LRRC72: variants seen among roughly 807,000 people sequenced by gnomAD.
LRRC72 encodes the protein leucine rich repeat containing 72.
Under a neutral mutation model 35.8 loss-of-function variants are expected in LRRC72, and 41 were observed. That is an observed-to-expected ratio of 1.15 (90% CI 0.89 to 1.49). The LOEUF (loss-of-function observed/expected upper bound fraction) is 1.49, where lower values mean the gene tolerates loss of function less well. Among genes scored for constraint, LRRC72 ranks in the 40% most tolerant of loss-of-function variants. The pLI is 0.00. For missense variants in LRRC72, 389 were observed against 330.7 expected, an observed-to-expected ratio of 1.18 and a Z score of -1.37; for synonymous variants, 118 against 119.2, an observed-to-expected ratio of 0.99 and a Z score of 0.07.
intron 4 of LRRC72, among the ~76,000 whole-genome samples, chr7:16,558,539 G>A (rs947768116): frequency 6.6e-6 from 1 of 152,112 alleles, no homozygotes; most frequent in Non-Finnish European, 1.5e-5. Flanking sequence ...GAACCCAGGA[G>A]GCGGAGGTTA....
chr7:16,559,456 G>A lies in LRRC72; in HGVS notation c.427+457G>A, dbSNP rs535734606. On this transcript the variant is annotated intron_variant, in intron 5 of 8. Coordinates refer to ENST00000401542, the MANE Select transcript of LRRC72 (RefSeq NM_001195280.2). ...TAGATCTTATTGTCTTTTAAGATACGCTTTTGAAAAAACAACAGATAGAAA... is the reference window on the plus strand; with the variant it reads ...TAGATCTTATTGTCTTTTAAGATACACTTTTGAAAAAACAACAGATAGAAA... Among the ~76,000 whole-genome samples the A allele has an allele frequency of 8.7e-4, 132 of 152,074 alleles. 1 individual carries two copies. In the South Asian group the frequency reaches 0.026, roughly 30 times the overall value.
intron 7 of LRRC72, among the ~76,000 whole-genome samples, chr7:16,578,729 T>C (rs576945117): frequency 6.6e-6 from 1 of 152,336 alleles, no homozygotes; most frequent in South Asian, 2.1e-4. Flanking sequence ...ATTTTCTTTA[T>C]TGTTTATATT....
intron 3 of LRRC72, among the ~76,000 whole-genome samples, chr7:16,538,626 G>A (rs1223914951): frequency 6.6e-6 from 1 of 152,166 alleles, no homozygotes; most frequent in Non-Finnish European, 1.5e-5. Context: ...ACCAGATATG[G>A]TTTGGCTCTG....
intron 2 of LRRC72, among the ~76,000 whole-genome samples, chr7:16,536,483 A>G (rs1562737805): frequency 6.6e-6 from 1 of 152,122 alleles, no homozygotes; most frequent in Non-Finnish European, 1.5e-5. Context: ...CTGCAACTTT[A>G]TTTTCAAATG....
At chr7:16,573,993 A>T (rs973708476) in intron 7 of LRRC72, among the ~76,000 whole-genome samples, 4 of 152,250 alleles carry the variant, frequency 2.6e-5, no homozygotes, top group African/African-American at 9.6e-5. Context: ...AGTGAAGCAT[A>T]TGAACAGGCA....
intron 3 of LRRC72, among the ~76,000 whole-genome samples, chr7:16,544,016 A>G (rs1562740919): frequency 6.6e-6 from 1 of 152,216 alleles, no homozygotes. Flanking sequence ...CTGTACTTGC[A>G]TTAGGCTGCT....
chr7:16,565,396 C>T lies in LRRC72; in HGVS notation c.428-917C>T, dbSNP rs543571988. ...TGCAGTGAGCAAGATCATGCCATTGCGCTCCAGCCTGGCAACAAGAACAAG... is the reference window on the plus strand; with the variant it reads ...TGCAGTGAGCAAGATCATGCCATTGTGCTCCAGCCTGGCAACAAGAACAAG... On this transcript the variant is annotated intron_variant, in intron 5 of 8. Coordinates refer to ENST00000401542, the MANE Select transcript of LRRC72 (RefSeq NM_001195280.2). 6.0e-5 allele frequency among the ~76,000 whole-genome samples: 9 copies of T among 149,574 alleles called. No individual in the cohort carries two copies. The South Asian group carries it at 8.4e-4, about 14-fold the overall frequency.
At chr7:16,576,837 G>A (rs927068548) in intron 7 of LRRC72, among the ~76,000 whole-genome samples, 1 of 152,212 alleles carries the variant, frequency 6.6e-6, no homozygotes, top group Non-Finnish European at 1.5e-5. Context: ...GGGGTATAGT[G>A]TCACAGAGCC....
At chr7:16,562,657 C>G (rs1320858055) in intron 5 of LRRC72, among the ~76,000 whole-genome samples, 3 of 152,132 alleles carry the variant, frequency 2.0e-5, no homozygotes, top group Non-Finnish European at 4.4e-5. Context: ...ATCCACTGCC[C>G]ATGGCAAAAA....
chr7:16,568,938 G>A (rs1178584710), intron 7 of LRRC72, among the ~76,000 whole-genome samples: 1 of 152,132 alleles, frequency 6.6e-6, no homozygotes, highest in African/African-American at 2.4e-5. Context: ...TCAAGAATGA[G>A]CGAAAGGTAA....
intron 5 of LRRC72, among the ~76,000 whole-genome samples, chr7:16,564,916 G>A (rs1164269603): frequency 2.0e-5 from 3 of 151,634 alleles, no homozygotes; most frequent in Admixed American, 6.6e-5. Flanking sequence ...AGTTTTTTCC[G>A]AGTTTCTAAT....
At position 16,526,832 on chromosome 7, in the gene LRRC72, G is replaced by T; in HGVS notation, c.-121G>T. The T allele has an allele frequency of 1.3e-6, 1 of 779,384 alleles. No homozygotes were observed. The highest frequency in any genetic ancestry group is 1.7e-5 in the African/African-American group (1 of 58,652). The allele number at this position is 779,384 out of a possible 1,614,324, so 48.3% of individuals were successfully genotyped here. ...CAGTGTGGACTGGCTTTTAGTCAAC[G>T]GGAATGCGGTAACTGTTGGTAACAG... On this transcript the variant is annotated 5_prime_UTR_variant, in exon 1 of 9. Transcript: ENST00000401542.
chr7:16,546,494 C>T (rs916342367), intron 3 of LRRC72, among the ~76,000 whole-genome samples: 1 of 151,982 alleles, frequency 6.6e-6, no homozygotes, highest in African/African-American at 2.4e-5. Context: ...GGCAAAATTC[C>T]CCCCACCTCC....
At chr7:16,550,093 C>T (rs1273847572) in intron 3 of LRRC72, among the ~76,000 whole-genome samples, 1 of 151,964 alleles carries the variant, frequency 6.6e-6, no homozygotes, top group Admixed American at 6.6e-5. Context: ...GTGGTGTGTG[C>T]CTGTAGTCCC....
At position 16,575,801 on chromosome 7, in the gene LRRC72, C is replaced by A. The variant is rs115304321; in HGVS notation, c.671-4273C>A. 9.4e-3 allele frequency among the ~76,000 whole-genome samples: 1,437 copies of A among 152,204 alleles called. 25 individuals carry two copies. Among genetic ancestry groups the A allele is most frequent in the African/African-American group, 0.033 (1,375 of 41,528 alleles). ...GGAAAGGAGTCTTTAGATAGAAAATCTCCCCTCTTAAAAACAGCGAATGCA... is the reference window on the plus strand; with the variant it reads ...GGAAAGGAGTCTTTAGATAGAAAATATCCCCTCTTAAAAACAGCGAATGCA... On this transcript the variant is annotated intron_variant, in intron 7 of 8. Coordinates refer to ENST00000401542, the MANE Select transcript of LRRC72 (RefSeq NM_001195280.2).
chr7:16,535,267 A>C (rs1481230410), intron 2 of LRRC72, among the ~76,000 whole-genome samples: 2 of 152,222 alleles, frequency 1.3e-5, no homozygotes, highest in African/African-American at 4.8e-5. Flanking sequence ...CTAATGGTAC[A>C]TATCAAAGAG....
chr7:16,580,014 GT>G, intron 7 of LRRC72, 59 bp from the exon 8 acceptor site: 2 of 373,150 alleles, frequency 5.4e-6, no homozygotes, highest in Non-Finnish European at 1.0e-5. Flanking sequence ...TTGTTCCACT[GT>G]TTTTAAATGC....
In LRRC72 at chr7:16,566,296, G is replaced by A. The variant is rs1028662368; in HGVS notation, c.428-17G>A. ...TTTTGAAATCTGACATTTTTATTTT[G>A]GATTCTTCATTTGCAGGTCTATACC... On this transcript the variant is annotated splice_polypyrimidine_tract_variant and intron_variant, in intron 5 of 8. Coordinates refer to ENST00000401542, the MANE Select transcript of LRRC72 (RefSeq NM_001195280.2). The A allele has an allele frequency of 2.8e-6, 4 of 1,447,170 alleles. No homozygotes were observed. The highest frequency in any genetic ancestry group is 3.7e-6 in the Non-Finnish European group (4 of 1,081,156). 89.6% of individuals were successfully genotyped at this position (1,447,170 alleles called of 1,614,324 possible). A position where few individuals can be genotyped will look rare whatever the true frequency, so the allele number is the denominator to read the frequency against.
At chr7:16,571,741 T>C (rs1382332987) in intron 7 of LRRC72, among the ~76,000 whole-genome samples, 2 of 152,080 alleles carry the variant, frequency 1.3e-5, no homozygotes, top group Admixed American at 6.5e-5. Context: ...ACCAGGGCCC[T>C]GGGTTTCAAG....
Sources: gnomAD v4.1 joint callset for allele counts (sites outside exome capture counted in the v4.1 genomes callset) on GRCh38, gnomAD v4.1.1 for gene constraint, MANE v1.5 for transcripts, NCBI Gene and HGNC (gene_info 2026-07-23, HGNC 2026-07-21) for gene names.